RAB27B: variants seen among roughly 807,000 people sequenced by gnomAD.
RAB27B encodes the protein RAB27B, member RAS oncogene family.
Under a neutral mutation model 24.6 loss-of-function variants are expected in RAB27B, and 15 were observed. The observed-to-expected ratio is 0.61, with a 90% CI of 0.41 to 0.94. The LOEUF is 0.94. Ranked by LOEUF, RAB27B falls within the 40% of genes least tolerant of loss-of-function variation. The probability of loss-of-function intolerance (pLI) is 0.00; values close to 1 mark genes in which losing one functional copy is unlikely to be tolerated. For missense variants in RAB27B, 261 were observed against 266.8 expected (o/e 0.98, Z 0.15); for synonymous variants, 105 against 92.5 (o/e 1.14, Z -0.78).
chr18:54,797,518 TAAAAG>T (rs942530817), intron 2 of RAB27B, among the ~76,000 whole-genome samples: 3 of 152,232 alleles, frequency 2.0e-5, no homozygotes, highest in African/African-American at 7.2e-5. Context: ...TCTGTCAAAA[TAAAAG>T]ATAAGATATA....
intron 1 of RAB27B, among the ~76,000 whole-genome samples, chr18:54,851,951 G>A (rs775920409): frequency 4.9e-4 from 74 of 152,162 alleles, no homozygotes; most frequent in Admixed American, 2.0e-3. Flanking sequence ...TTCTTAAATT[G>A]TAAACCCTTT....
intron 2 of RAB27B, among the ~76,000 whole-genome samples, chr18:54,763,509 A>G (rs1908261635): frequency 6.6e-6 from 1 of 152,152 alleles, no homozygotes; most frequent in Non-Finnish European, 1.5e-5. Context: ...GATTATCAGT[A>G]CATGCTCCAG....
intron 2 of RAB27B, among the ~76,000 whole-genome samples, chr18:54,740,391 C>T (rs917936414): frequency 3.9e-5 from 6 of 152,178 alleles, no homozygotes; most frequent in African/African-American, 1.4e-4. Flanking sequence ...GTTGAATAAA[C>T]ATTTTAGTAT....
At chr18:54,728,079 C>T (rs1909598574) in intron 2 of RAB27B, among the ~76,000 whole-genome samples, 1 of 152,092 alleles carries the variant, frequency 6.6e-6, no homozygotes, top group African/African-American at 2.4e-5. Context: ...CTGAGCAGTA[C>T]ATTTCCTGGG....
At chr18:54,870,310 T>C (rs552585063) in intron 1 of RAB27B, among the ~76,000 whole-genome samples, 1 of 152,190 alleles carries the variant, frequency 6.6e-6, no homozygotes, top group South Asian at 2.1e-4. Flanking sequence ...TCCATTAAAA[T>C]CCAGCTAAGG....
chr18:54,796,961 T>A (rs562108056), intron 2 of RAB27B, among the ~76,000 whole-genome samples: 1 of 152,320 alleles, frequency 6.6e-6, no homozygotes, highest in South Asian at 2.1e-4. Context: ...TTCTGCAACA[T>A]CTGAGTTTAA....
At chr18:54,721,290 A>G (rs1235203718) in intron 2 of RAB27B, among the ~76,000 whole-genome samples, 2 of 152,172 alleles carry the variant, frequency 1.3e-5, no homozygotes, top group Non-Finnish European at 2.9e-5. Context: ...TGGTTGACAC[A>G]ACTATAACTG....
intron 4 of RAB27B, among the ~76,000 whole-genome samples, 160 bp downstream of exon 4, chr18:54,884,596 G>A (rs190039530): frequency 1.8e-4 from 27 of 152,246 alleles, no homozygotes; most frequent in Admixed American, 7.8e-4. Context: ...CAAAGTGGTG[G>A]CCTTTATGTG....
chr18:54,747,116 T>A (rs902760267), intron 2 of RAB27B, among the ~76,000 whole-genome samples: 13 of 152,186 alleles, frequency 8.5e-5, no homozygotes, highest in Admixed American at 7.2e-4. Flanking sequence ...TATGTTTGGC[T>A]TTGTTACACC....
chr18:54,740,409 A>AT (rs1045653344), intron 2 of RAB27B, among the ~76,000 whole-genome samples: 11 of 152,274 alleles, frequency 7.2e-5, no homozygotes, highest in African/African-American at 2.6e-4. Flanking sequence ...TATTCAGACC[A>AT]TTTTTTCCAA....
chr18:54,776,261 A>G (rs1352725155), intron 2 of RAB27B, among the ~76,000 whole-genome samples: 1 of 152,220 alleles, frequency 6.6e-6, no homozygotes, highest in Non-Finnish European at 1.5e-5. Flanking sequence ...CCTTCCGCAC[A>G]CTTTTCTATT....
chr18:54,740,318 T>C (rs925443946), intron 2 of RAB27B, among the ~76,000 whole-genome samples: 1 of 152,214 alleles, frequency 6.6e-6, no homozygotes, highest in African/African-American at 2.4e-5. Flanking sequence ...GATGTCTAAA[T>C]AGAAAGAGTT....
chr18:54,824,824 A>ATT (rs559123667), upstream of RAB27B, among the ~76,000 whole-genome samples: 26 of 145,494 alleles, frequency 1.8e-4, no homozygotes, highest in East Asian at 5.0e-3. Context: ...TTTTCTTTCC[A>ATT]TTTTTTTTTT....
At chr18:54,790,174 A>G (rs1488777791) in intron 2 of RAB27B, among the ~76,000 whole-genome samples, 1 of 152,134 alleles carries the variant, frequency 6.6e-6, no homozygotes, top group East Asian at 1.9e-4. Context: ...TTGATCTTAC[A>G]AAATATTCTC....
rs1913524007 is a variant in RAB27B, at chr18:54,895,263, C to G, written c.*5850C>G. ...TATTTTGTCTGTCTCCTATATAGATCTGTTTTGTCTAGTGCTATGAATGTA... is the reference window on the plus strand; with the variant it reads ...TATTTTGTCTGTCTCCTATATAGATGTGTTTTGTCTAGTGCTATGAATGTA... On this transcript the variant is annotated 3_prime_UTR_variant, in exon 6 of 6. Coordinates refer to ENST00000262094, the MANE Select transcript of RAB27B (RefSeq NM_004163.4). 6.6e-6 allele frequency: 1 copy of G among 151,972 alleles called. No homozygotes were observed. Among genetic ancestry groups the G allele is most frequent in the African/African-American group, 2.4e-5 (1 of 41,402 alleles). The allele number at this position is 151,972 out of a possible 1,614,324, so 9.4% of individuals were successfully genotyped here. A position where few individuals can be genotyped will look rare whatever the true frequency, so the allele number is the denominator to read the frequency against.
In RAB27B at chr18:54,883,839, A is replaced by G. The variant is rs372859515; in HGVS notation, c.240-494A>G. Among the ~76,000 whole-genome samples the G allele has an allele frequency of 1.1e-3, 160 of 152,258 alleles. No individual in the cohort carries two copies. In the South Asian group the frequency reaches 0.015, roughly 14 times the overall value. ...GCTTTTTGAAAAGAGTTTTGTCATC[A>G]ATATTCTTCCTTACAAAAGAATTCC... On this transcript the variant is annotated intron_variant, in intron 3 of 5. Transcript: ENST00000262094.
chr18:54,749,083 G>T (rs1436670380), intron 2 of RAB27B, among the ~76,000 whole-genome samples: 2 of 152,170 alleles, frequency 1.3e-5, no homozygotes, highest in African/African-American at 4.8e-5. Flanking sequence ...GTCTGGGCAT[G>T]GTGATGACTC....
At chr18:54,824,146 A>T (rs904875824), upstream of RAB27B, among the ~76,000 whole-genome samples, 1 of 152,090 alleles carries the variant, frequency 6.6e-6, no homozygotes, top group Non-Finnish European at 1.5e-5. Context: ...ATGTAGTTTT[A>T]TTGTAGGTTA....
At chr18:54,780,221 C>T (rs1282375764) in intron 2 of RAB27B, among the ~76,000 whole-genome samples, 1 of 143,216 alleles carries the variant, frequency 7.0e-6, no homozygotes, top group East Asian at 2.0e-4. Flanking sequence ...CCGTGTCTCC[C>T]CTCTCCAGAC....
Sources: allele counts gnomAD v4.1 joint callset (sites outside exome capture counted in the v4.1 genomes callset), GRCh38; gene constraint gnomAD v4.1.1; transcripts MANE v1.5; gene names NCBI Gene and HGNC (gene_info 2026-07-23, HGNC 2026-07-21).